The following MTUS2 variants were observed in gnomAD, a reference collection of about 807,000 sequenced individuals.
The protein encoded by MTUS2 is microtubule-associated tumor suppressor candidate 2.
MTUS2 carries 40 observed loss-of-function variants against 114.1 expected under a neutral mutation model. The ratio of observed to expected loss-of-function variants is 0.35; its 90% CI spans 0.27 to 0.46. The LOEUF is 0.46. Among genes scored for constraint, MTUS2 ranks in the 20% least tolerant of loss-of-function variants. The pLI is 1.00. For synonymous variants in MTUS2, 688 were observed against 672.0 expected, an observed-to-expected ratio of 1.02 and a Z score of -0.37; for missense variants, 1,679 against 1,705.4, an observed-to-expected ratio of 0.98 and a Z score of 0.27.
intron 5 of MTUS2, among the ~76,000 whole-genome samples, chr13:29,238,345 A>G (rs1226941699): frequency 2.0e-5 from 3 of 152,212 alleles, no homozygotes; most frequent in Admixed American, 1.3e-4. Context: ...GACTCACACC[A>G]TCACAAGGTG....
At chr13:29,304,010 A>G (rs1387008628) in intron 6 of MTUS2, among the ~76,000 whole-genome samples, 1 of 152,212 alleles carries the variant, frequency 6.6e-6, no homozygotes, top group East Asian at 1.9e-4. Flanking sequence ...AGAATGTCCA[A>G]CCCAGAATTT....
intron 2 of MTUS2, among the ~76,000 whole-genome samples, chr13:28,988,633 G>A (rs1884691959): frequency 6.6e-6 from 1 of 152,172 alleles, no homozygotes; most frequent in Non-Finnish European, 1.5e-5. Flanking sequence ...AATGTACAAA[G>A]TGTTCACTGA....
At position 29,359,347 on chromosome 13, in the gene MTUS2, G is replaced by T; in HGVS notation, c.2991G>T (p.Leu997=). Residue 997 remains leucine (L), a synonymous_variant, in exon 8 of 16, where the codon CTG becomes CTT. Transcript: ENST00000612955. Reference sequence around the variant, plus strand: ...AGGCCCGTGAGGCTGAGCGGCAGCTGGTGCTGCGGCTGAAGGAGCGGTGTG... The same window carrying T: ...AGGCCCGTGAGGCTGAGCGGCAGCTTGTGCTGCGGCTGAAGGAGCGGTGTG... ...DPQAREAERQ[L]VLRLKERCEQ... is the part of the protein sequence containing the mutation. 10 of 1,611,936 alleles carry T rather than the reference G, an allele frequency of 6.2e-6. No homozygotes were observed. The highest frequency in any genetic ancestry group is 8.5e-6 in the Non-Finnish European group (10 of 1,179,262).
At chr13:28,952,784 C>A (rs1882873913) in intron 2 of MTUS2, among the ~76,000 whole-genome samples, 4 of 152,208 alleles carry the variant, frequency 2.6e-5, no homozygotes. Flanking sequence ...CACATTCATT[C>A]TTTTATGGCT....
chr13:29,228,546 C>G (rs907713102), intron 5 of MTUS2, among the ~76,000 whole-genome samples: 1 of 152,152 alleles, frequency 6.6e-6, no homozygotes, highest in African/African-American at 2.4e-5. Context: ...TCCCAAACTC[C>G]TGGGCTCAAG....
chr13:28,955,871 T>C (rs943261275), intron 2 of MTUS2, among the ~76,000 whole-genome samples: 2 of 151,722 alleles, frequency 1.3e-5, no homozygotes, highest in East Asian at 1.9e-4. Context: ...ATGGGAACTT[T>C]AGACACCTTG....
Position 29,085,352 on chromosome 13 carries a change from C to T in MTUS2, c.2447-15421C>T, listed in dbSNP as rs1428572359. Among the ~76,000 whole-genome samples, 5 of 152,142 alleles carry T rather than the reference C, an allele frequency of 3.3e-5. No homozygotes were observed. In the East Asian group the frequency reaches 9.6e-4, roughly 29 times the overall value. ...TGTTACATGAGTAAATTGTATGTCA[C>T]TGAAGTTTGATGTACAAATAATTTT... On this transcript the variant is annotated intron_variant, in intron 4 of 15. Transcript: ENST00000612955.
At chr13:29,043,347 G>C (rs564422731) in intron 4 of MTUS2, among the ~76,000 whole-genome samples, 4 of 152,086 alleles carry the variant, frequency 2.6e-5, no homozygotes, top group South Asian at 2.1e-4. Context: ...TTCTTTTGTG[G>C]CCTATCATAT....
chr13:29,008,420 T>C (rs1885694547), intron 2 of MTUS2, among the ~76,000 whole-genome samples: 1 of 152,208 alleles, frequency 6.6e-6, no homozygotes, highest in Admixed American at 6.5e-5. Context: ...TGTCTTTCTG[T>C]TCCAATCTGA....
At chr13:29,237,414 T>C (rs760403280) in intron 5 of MTUS2, among the ~76,000 whole-genome samples, 7 of 152,134 alleles carry the variant, frequency 4.6e-5, no homozygotes, top group Non-Finnish European at 8.8e-5. Context: ...TCTAGTTTTC[T>C]TCAGCTGATT....
chr13:29,448,771 T>TTTTG (rs1264497315), intron 9 of MTUS2, among the ~76,000 whole-genome samples: 2 of 150,508 alleles, frequency 1.3e-5, no homozygotes, highest in African/African-American at 4.9e-5. Context: ...TTTTTTTTTT[T>TTTTG]TTAAGATGGA....
chr13:28,894,027 A>G, intron 2 of MTUS2, among the ~76,000 whole-genome samples: 1 of 151,844 alleles, frequency 6.6e-6, no homozygotes. Flanking sequence ...TTAGAGTTGT[A>G]TCATTTTGCT....
intron 2 of MTUS2, among the ~76,000 whole-genome samples, chr13:28,966,747 A>AC (rs1234101094): frequency 1.0e-4 from 15 of 145,590 alleles, no homozygotes; most frequent in Admixed American, 6.3e-4. Flanking sequence ...AAAAAAAAAA[A>AC]ACAAAGAACT....
intron 4 of MTUS2, among the ~76,000 whole-genome samples, chr13:29,077,487 GC>G (rs2138714539): frequency 6.6e-6 from 1 of 152,132 alleles, no homozygotes; most frequent in East Asian, 1.9e-4. Flanking sequence ...GGAAAACATG[GC>G]CCTTGAATAA....
chr13:29,102,963 A>C (rs6490351), intron 5 of MTUS2, among the ~76,000 whole-genome samples: 1 of 151,960 alleles, frequency 6.6e-6, no homozygotes, highest in Non-Finnish European at 1.5e-5. Context: ...TTCTTTCTTG[A>C]GTTTACAGAG....
chr13:28,932,750 T>C lies in MTUS2; in HGVS notation c.-242-91707T>C, dbSNP rs997919468. Among the ~76,000 whole-genome samples, 5 of 152,334 alleles carry C rather than the reference T, an allele frequency of 3.3e-5. No individual in the cohort carries two copies. The East Asian group carries it at 7.7e-4, about 24-fold the overall frequency. Reference sequence around the variant, plus strand: ...AGCCACTGAGATTTTGCATTTGTTATGTAGCATTGTGGTAATAGAGAACTA... The same window carrying C: ...AGCCACTGAGATTTTGCATTTGTTACGTAGCATTGTGGTAATAGAGAACTA... On this transcript the variant is annotated intron_variant, in intron 2 of 15. Coordinates refer to ENST00000612955, the MANE Select transcript of MTUS2 (RefSeq NM_001033602.4).
intron 6 of MTUS2, among the ~76,000 whole-genome samples, chr13:29,310,717 A>G (rs1300756395): frequency 1.3e-5 from 2 of 152,248 alleles, no homozygotes; most frequent in Non-Finnish European, 2.9e-5. Context: ...GAATGGTGAC[A>G]TTTTAAAAAT....
chr13:29,156,954 A>G (rs1171305470), intron 5 of MTUS2, among the ~76,000 whole-genome samples: 2 of 152,156 alleles, frequency 1.3e-5, no homozygotes, highest in Non-Finnish European at 2.9e-5. Context: ...TGAATAATAT[A>G]TAGTATTGTC....
chr13:29,170,467 C>A (rs1162105013), intron 5 of MTUS2, among the ~76,000 whole-genome samples: 1 of 152,142 alleles, frequency 6.6e-6, no homozygotes, highest in East Asian at 1.9e-4. Flanking sequence ...GATAAAAAGG[C>A]CACGTCTGCT....
Sources: allele counts gnomAD v4.1 joint callset (sites outside exome capture counted in the v4.1 genomes callset), GRCh38; gene constraint gnomAD v4.1.1; transcripts MANE v1.5; gene names NCBI Gene and HGNC (gene_info 2026-07-23, HGNC 2026-07-21).